The following WDR49 variants were observed in gnomAD, a reference collection of about 807,000 sequenced individuals.
The protein encoded by WDR49 is cilia- and flagella-associated protein 337.
Under a neutral mutation model 119.5 loss-of-function variants are expected in WDR49, and 107 were observed. The ratio of observed to expected loss-of-function variants is 0.90; its 90% CI spans 0.77 to 1.05. The LOEUF (loss-of-function observed/expected upper bound fraction) is 1.05. WDR49 is among the 50% of genes least tolerant of loss of function. The probability of loss-of-function intolerance (pLI) is 0.00; values close to 1 mark genes in which losing one functional copy is unlikely to be tolerated. For missense variants in WDR49, 1,240 were observed against 1,220.5 expected (o/e 1.02, Z -0.24); for synonymous variants, 425 against 418.8 (o/e 1.01, Z -0.18).
In WDR49 at chr3:167,620,521, A is replaced by C; in HGVS notation, c.866T>G (p.Met289Arg). 6.5e-7 allele frequency: 1 copy of C among 1,536,052 alleles called. No homozygotes were observed. ...GAGCAGCTCTGCCCAGTTAATGGTC[A>C]TAGTGGCTTCTCCATCTTCACATGC... ...ASACEDGEAT[M>R]TINWAELLSG... is the part of the protein sequence containing the mutation. The change falls in exon 5 of 19, where the codon ATG becomes AGG. Residue 289 changes from methionine to arginine, a missense_variant. By Grantham distance (91) the Met-to-Arg change is moderately conservative. Coordinates refer to ENST00000682715, the MANE Select transcript of WDR49 (RefSeq NM_001366157.1).
chr3:167,602,426 A>C, intron 6 of WDR49, 151 bp from the exon 7 acceptor site: 1 of 635,892 alleles, frequency 1.6e-6, no homozygotes, highest in Non-Finnish European at 2.5e-6. Flanking sequence ...GTCTAACTAG[A>C]CCAGGCTAAT....
intron 18 of WDR49, among the ~76,000 whole-genome samples, chr3:167,499,881 A>C (rs2108208374): frequency 6.6e-6 from 1 of 152,308 alleles, no homozygotes; most frequent in East Asian, 1.9e-4. Context: ...ATTCTCATCC[A>C]CGGAAGATTC....
At chr3:167,520,518 C>T (rs923365467) in intron 16 of WDR49, among the ~76,000 whole-genome samples, 9 of 152,050 alleles carry the variant, frequency 5.9e-5, no homozygotes, top group Non-Finnish European at 1.3e-4. Context: ...ATTGCTCATG[C>T]TAGATTTCTA....
At chr3:167,482,536 G>A (rs896894793) in intron 18 of WDR49, among the ~76,000 whole-genome samples, 3 of 151,448 alleles carry the variant, frequency 2.0e-5, no homozygotes, top group African/African-American at 4.8e-5. Context: ...AAAATTAGTC[G>A]GGCCTGGTGG....
Position 167,653,366 on chromosome 3 carries a change from A to G in WDR49, c.60T>C (p.Ser20=). 2.0e-6 allele frequency: 3 copies of G among 1,535,728 alleles called. No homozygotes were observed. The highest frequency in any genetic ancestry group is 2.6e-6 in the Non-Finnish European group (3 of 1,146,768). ...LNIGSQLGPK[S]PERTEGVTAF... Reference sequence around the variant, plus strand: ...CAGTTACACCTTCTGTTCTCTCAGGACTCTTTGGCCCAAGCTGTGACCCTA... The same window carrying G: ...CAGTTACACCTTCTGTTCTCTCAGGGCTCTTTGGCCCAAGCTGTGACCCTA... The change falls in exon 2 of 19, where the codon AGT becomes AGC. Residue 20 remains serine, a synonymous_variant. Coordinates refer to ENST00000682715, the MANE Select transcript of WDR49 (RefSeq NM_001366157.1).
intron 8 of WDR49, among the ~76,000 whole-genome samples, chr3:167,564,455 C>G (rs1393829585): frequency 6.6e-6 from 1 of 152,232 alleles, no homozygotes; most frequent in Non-Finnish European, 1.5e-5. Flanking sequence ...GACAATGGAA[C>G]TATTTTTGGC....
intron 5 of WDR49, among the ~76,000 whole-genome samples, chr3:167,612,535 T>C (rs1368053652): frequency 3.3e-5 from 5 of 149,704 alleles, no homozygotes; most frequent in Admixed American, 1.3e-4. Context: ...AAACAAAAAG[T>C]TTATTTTTGG....
intron 13 of WDR49, 46 bp from the exon 14 acceptor site, chr3:167,529,285 G>T: frequency 1.3e-6 from 2 of 1,487,336 alleles, no homozygotes; most frequent in Non-Finnish European, 1.8e-6. Flanking sequence ...AACAACAAAT[G>T]CCAGAAATAA....
chr3:167,540,180 C>G (rs568332194), intron 10 of WDR49, among the ~76,000 whole-genome samples: 1 of 152,318 alleles, frequency 6.6e-6, no homozygotes, highest in East Asian at 1.9e-4. Context: ...TCCTGGCTAA[C>G]CAGTGGTCCT....
At chr3:167,608,028 A>T (rs1716146710) in intron 5 of WDR49, among the ~76,000 whole-genome samples, 1 of 152,148 alleles carries the variant, frequency 6.6e-6, no homozygotes, top group African/African-American at 2.4e-5. Flanking sequence ...ATAAAGGAGA[A>T]TCCTTTAAGT....
At chr3:167,542,884 G>A (rs1255983195) in intron 10 of WDR49, among the ~76,000 whole-genome samples, 11 of 151,730 alleles carry the variant, frequency 7.2e-5, no homozygotes, top group Admixed American at 2.0e-4. Context: ...AACAAAATTG[G>A]TAGACCATTA....
intron 2 of WDR49, among the ~76,000 whole-genome samples, chr3:167,642,857 G>A (rs920643338): frequency 1.3e-5 from 2 of 151,874 alleles, no homozygotes; most frequent in Non-Finnish European, 2.9e-5. Flanking sequence ...CAAATTTGGG[G>A]CATTTTGAGT....
At chr3:167,511,562 G>A (rs535799695) in intron 16 of WDR49, among the ~76,000 whole-genome samples, 5 of 152,246 alleles carry the variant, frequency 3.3e-5, no homozygotes, top group African/African-American at 1.2e-4. Context: ...ACCTCCCAGG[G>A]AAACCATGTT....
intron 2 of WDR49, among the ~76,000 whole-genome samples, chr3:167,634,370 T>G (rs1717519255): frequency 6.6e-6 from 1 of 151,964 alleles, no homozygotes; most frequent in African/African-American, 2.4e-5. Flanking sequence ...GTTATTAAAT[T>G]GTCTACAATT....
intron 16 of WDR49, among the ~76,000 whole-genome samples, chr3:167,507,672 A>G (rs1486653968): frequency 6.6e-6 from 1 of 152,174 alleles, no homozygotes; most frequent in Non-Finnish European, 1.5e-5. Flanking sequence ...CTTTCTGACT[A>G]TCTCATCCTG....
intron 11 of WDR49, among the ~76,000 whole-genome samples, 166 bp downstream of exon 11, chr3:167,536,704 T>TAC (rs1553863864): frequency 0.016 from 988 of 62,482 alleles, 7 homozygotes; most frequent in Middle Eastern, 0.051. Flanking sequence ...TATATATATA[T>TAC]ACACACACAT....
At chr3:167,591,982 C>T (rs975130684) in intron 7 of WDR49, among the ~76,000 whole-genome samples, 1 of 151,960 alleles carries the variant, frequency 6.6e-6, no homozygotes, top group Non-Finnish European at 1.5e-5. Flanking sequence ...TCTTTCTTTC[C>T]TTCCTGTCTT....
At position 167,602,014 on chromosome 3, in the gene WDR49, C is replaced by T. The variant is rs570843571; in HGVS notation, c.1275+113G>A. 18 of 1,303,962 alleles carry T rather than the reference C, an allele frequency of 1.4e-5. No individual in the cohort carries two copies. The South Asian group carries it at 3.1e-4, about 22-fold the overall frequency. The allele number at this position is 1,303,962 out of a possible 1,614,324, so 80.8% of individuals were successfully genotyped here. On this transcript the variant is annotated intron_variant, in intron 7 of 18. Coordinates refer to ENST00000682715, the MANE Select transcript of WDR49 (RefSeq NM_001366157.1). The stretch of plus-strand genomic sequence containing the variant: ...ACTTCCAAAAACATAAGTAGCTAGC[C>T]AGTATATTTTAAAAACTGACACGAT...
intron 16 of WDR49, among the ~76,000 whole-genome samples, chr3:167,507,412 G>T (rs1458997520): frequency 6.6e-6 from 1 of 152,152 alleles, no homozygotes; most frequent in Non-Finnish European, 1.5e-5. Context: ...TTTTAAGATA[G>T]TAAGGGGATC....
Sources: gnomAD v4.1 joint callset for allele counts (sites outside exome capture counted in the v4.1 genomes callset) on GRCh38, gnomAD v4.1.1 for gene constraint, MANE v1.5 for transcripts, NCBI Gene and HGNC (gene_info 2026-07-23, HGNC 2026-07-21) for gene names.